The following FAM171A1 variants were observed in gnomAD, a reference collection of about 807,000 sequenced individuals.
FAM171A1 encodes protein FAM171A1.
In FAM171A1, 23 loss-of-function variants were observed where a neutral mutation model predicts 74.9. The observed-to-expected ratio is 0.31, with a 90% CI of 0.22 to 0.44. The LOEUF (loss-of-function observed/expected upper bound fraction) is 0.44, where lower values mean the gene tolerates loss of function less well. Among genes scored for constraint, FAM171A1 ranks in the 20% least tolerant of loss-of-function variants. FAM171A1 has a pLI of 1.00. For missense variants in FAM171A1, 1,162 were observed against 1,159.2 expected (o/e 1.00, Z -0.03); for synonymous variants, 527 against 505.7 (o/e 1.04, Z -0.57).
intron 1 of FAM171A1, among the ~76,000 whole-genome samples, chr10:15,350,662 TG>T (rs1358298169): frequency 7.1e-6 from 1 of 141,464 alleles, no homozygotes; most frequent in Non-Finnish European, 1.5e-5. Flanking sequence ...TTTTTTTTTT[TG>T]AGACAGTCTC....
chr10:15,263,771 C>CTATCTATA (rs1554834688), intron 3 of FAM171A1, among the ~76,000 whole-genome samples: 2 of 151,802 alleles, frequency 1.3e-5, no homozygotes, highest in Non-Finnish European at 2.9e-5. Context: ...ATCTATCTAT[C>CTATCTATA]TATCTATCTA....
intron 1 of FAM171A1, among the ~76,000 whole-genome samples, chr10:15,305,455 T>C (rs150515769): frequency 0.012 from 1,840 of 152,046 alleles, 35 homozygotes; most frequent in African/African-American, 0.042. Flanking sequence ...GGTGGGAGGA[T>C]TGCTTGAGGC....
intron 5 of FAM171A1, among the ~76,000 whole-genome samples, chr10:15,230,247 T>G (rs1026857995): frequency 6.1e-4 from 93 of 152,354 alleles, no homozygotes; most frequent in African/African-American, 2.2e-3. Flanking sequence ...TTTTCCAAAT[T>G]AAAGTCTACG....
intron 1 of FAM171A1, among the ~76,000 whole-genome samples, chr10:15,287,696 C>T (rs1377616293): frequency 2.6e-5 from 4 of 152,114 alleles, no homozygotes; most frequent in Non-Finnish European, 5.9e-5. Flanking sequence ...CCCCCACACA[C>T]ATTTTCTTAT....
chr10:15,358,484 T>A (rs1029966318), intron 1 of FAM171A1, among the ~76,000 whole-genome samples: 10 of 152,190 alleles, frequency 6.6e-5, no homozygotes, highest in African/African-American at 2.4e-4. Context: ...AACTCACCAG[T>A]CGCTGGGTTC....
chr10:15,269,630 G>C (rs913116326), intron 3 of FAM171A1, among the ~76,000 whole-genome samples: 3 of 152,130 alleles, frequency 2.0e-5, no homozygotes, highest in African/African-American at 7.2e-5. Context: ...AGAGGATAAA[G>C]CCACACTGGC....
intron 3 of FAM171A1, among the ~76,000 whole-genome samples, chr10:15,262,704 G>T (rs1039130491): frequency 2.6e-5 from 4 of 152,206 alleles, no homozygotes; most frequent in Non-Finnish European, 5.9e-5. Flanking sequence ...GAAGAGTTTT[G>T]CTTTGAATGG....
intron 5 of FAM171A1, 100 bp from the exon 6 acceptor site, chr10:15,221,160 G>C: frequency 1.0e-6 from 1 of 1,003,702 alleles, no homozygotes; most frequent in South Asian, 1.7e-5. Context: ...TAAATGTCAT[G>C]TTTATGACCT....
intron 1 of FAM171A1, among the ~76,000 whole-genome samples, chr10:15,351,702 T>C (rs1468381445): frequency 2.6e-5 from 4 of 151,892 alleles, no homozygotes; most frequent in Admixed American, 6.6e-5. Context: ...GGTGGATGGA[T>C]GGATGGATGG....
At chr10:15,311,273 T>C (rs1168862898) in intron 1 of FAM171A1, among the ~76,000 whole-genome samples, 1 of 152,238 alleles carries the variant, frequency 6.6e-6, no homozygotes, top group African/African-American at 2.4e-5. Flanking sequence ...TTCTGCAGCA[T>C]GGGTATATTC....
At chr10:15,359,033 T>C (rs17156601) in intron 1 of FAM171A1, among the ~76,000 whole-genome samples, 5,940 of 152,264 alleles carry the variant, frequency 0.039, 200 homozygotes, top group African/African-American at 0.084. Flanking sequence ...TTACGCTGCA[T>C]GCGATTGATG....
At chr10:15,331,702 A>G (rs906526281) in intron 1 of FAM171A1, among the ~76,000 whole-genome samples, 12 of 151,532 alleles carry the variant, frequency 7.9e-5, no homozygotes, top group Non-Finnish European at 1.6e-4. Context: ...AAAGACAAAC[A>G]CAGGCCAATT....
chr10:15,306,204 A>G (rs913048220), intron 1 of FAM171A1, among the ~76,000 whole-genome samples: 2 of 152,272 alleles, frequency 1.3e-5, no homozygotes, highest in Non-Finnish European at 2.9e-5. Flanking sequence ...TTTAAGTTAC[A>G]GATTTCAATT....
chr10:15,336,517 T>A (rs1401420382), intron 1 of FAM171A1, among the ~76,000 whole-genome samples: 2 of 152,202 alleles, frequency 1.3e-5, no homozygotes, highest in African/African-American at 4.8e-5. Context: ...TCCCATGTAC[T>A]TTTTCAATTT....
chr10:15,261,359 T>C (rs1413183473), intron 3 of FAM171A1, among the ~76,000 whole-genome samples: 2 of 152,238 alleles, frequency 1.3e-5, no homozygotes, highest in East Asian at 1.9e-4. Context: ...TTGGGGATAA[T>C]GGTACTTTCT....
intron 3 of FAM171A1, among the ~76,000 whole-genome samples, chr10:15,261,059 C>T (rs899099530): frequency 2.0e-5 from 3 of 152,232 alleles, no homozygotes; most frequent in African/African-American, 7.2e-5. Flanking sequence ...CTCTCTTTGT[C>T]TCTTTCTGTG....
chr10:15,302,431 C>T (rs749230487), intron 1 of FAM171A1, among the ~76,000 whole-genome samples: 49 of 150,552 alleles, frequency 3.3e-4, no homozygotes, highest in Non-Finnish European at 1.5e-4. Context: ...CGCCACTGCA[C>T]TGCAGCCTGG....
intron 1 of FAM171A1, among the ~76,000 whole-genome samples, chr10:15,312,690 T>G (rs1280322355): frequency 2.3e-5 from 2 of 85,566 alleles, no homozygotes; most frequent in African/African-American, 9.9e-5. Context: ...TTTTTTTTTT[T>G]TTTTTTTTTT....
intron 4 of FAM171A1, among the ~76,000 whole-genome samples, chr10:15,250,531 G>T (rs892309972): frequency 1.3e-5 from 2 of 152,234 alleles, no homozygotes; most frequent in African/African-American, 4.8e-5. Flanking sequence ...GGAGGCCGAG[G>T]CAGGTTGCTT....
Sources: gnomAD v4.1 joint callset for allele counts (sites outside exome capture counted in the v4.1 genomes callset) on GRCh38, gnomAD v4.1.1 for gene constraint, MANE v1.5 for transcripts, NCBI Gene and HGNC (gene_info 2026-07-23, HGNC 2026-07-21) for gene names.